LHFPL2: variants seen among roughly 807,000 people sequenced by gnomAD.
The protein encoded by LHFPL2 is LHFPL tetraspan subfamily member 2.
In LHFPL2, 7 loss-of-function variants were observed where a neutral mutation model predicts 17.5. That is an observed-to-expected ratio of 0.40 (90% CI 0.23 to 0.75). LHFPL2 has a LOEUF of 0.75. Ranked by LOEUF, LHFPL2 falls within the 30% of genes least tolerant of loss-of-function variation. The pLI, the probability that LHFPL2 is intolerant of heterozygous loss-of-function variation, is 0.37. For missense variants in LHFPL2, 241 were observed against 294.8 expected (o/e 0.82, Z 1.34); for synonymous variants, 134 against 116.2 (o/e 1.15, Z -0.99).
chr5:78,602,451 CG>C (rs576901879), intron 2 of LHFPL2, among the ~76,000 whole-genome samples: 3 of 152,002 alleles, frequency 2.0e-5, no homozygotes, highest in Non-Finnish European at 4.4e-5. Context: ...TTCTTTCACC[CG>C]AACAAAAAAG....
chr5:78,541,604 T>C (rs1472094736), intron 3 of LHFPL2, among the ~76,000 whole-genome samples: 1 of 152,186 alleles, frequency 6.6e-6, no homozygotes, highest in Non-Finnish European at 1.5e-5. Flanking sequence ...GTCCCTTTCA[T>C]AAACTCTTGC....
chr5:78,579,651 G>C (rs1241634767), intron 2 of LHFPL2, among the ~76,000 whole-genome samples: 2 of 152,074 alleles, frequency 1.3e-5, no homozygotes, highest in African/African-American at 4.8e-5. Context: ...TTTCATCCAT[G>C]TCCCTACAAA....
intron 4 of LHFPL2, among the ~76,000 whole-genome samples, chr5:78,500,038 G>GA (rs35442119): frequency 0.73 from 110,088 of 149,992 alleles, 40,650 homozygotes; most frequent in Middle Eastern, 0.77. Context: ...AAAAAAAAAA[G>GA]GCAGTATAAT....
intron 2 of LHFPL2, among the ~76,000 whole-genome samples, chr5:78,584,374 T>C (rs1306429955): frequency 1.3e-5 from 2 of 152,214 alleles, no homozygotes; most frequent in African/African-American, 2.4e-5. Flanking sequence ...TTTTAGAGTT[T>C]CCAGTTTTTC....
At chr5:78,528,603 AC>A (rs1322670537) in intron 3 of LHFPL2, among the ~76,000 whole-genome samples, 1 of 152,220 alleles carries the variant, frequency 6.6e-6, no homozygotes, top group Non-Finnish European at 1.5e-5. Context: ...ATGTTTGTAC[AC>A]TGGTTATAGA....
intron 1 of LHFPL2, among the ~76,000 whole-genome samples, chr5:78,639,500 C>A (rs1175298660): frequency 6.6e-6 from 1 of 152,074 alleles, no homozygotes; most frequent in Non-Finnish European, 1.5e-5. Context: ...GTAATTAAGT[C>A]GGTAATTATG....
intron 4 of LHFPL2, among the ~76,000 whole-genome samples, chr5:78,489,925 A>G (rs1265350214): frequency 6.6e-6 from 1 of 152,246 alleles, no homozygotes; most frequent in East Asian, 1.9e-4. Flanking sequence ...CTCCTGGTCT[A>G]AGGAAATTCA....
chr5:78,591,985 G>C (rs1743642311), intron 2 of LHFPL2, among the ~76,000 whole-genome samples: 2 of 152,242 alleles, frequency 1.3e-5, no homozygotes. Flanking sequence ...TGGCGCAGGA[G>C]GGCTGGGAAG....
chr5:78,541,687 G>A (rs1400741491), intron 3 of LHFPL2, among the ~76,000 whole-genome samples: 4 of 152,084 alleles, frequency 2.6e-5, no homozygotes, highest in Non-Finnish European at 5.9e-5. Flanking sequence ...CGGTGACTGG[G>A]GATCCAATAA....
intron 2 of LHFPL2, among the ~76,000 whole-genome samples, chr5:78,568,596 A>T (rs1756918703): frequency 1.3e-5 from 2 of 152,220 alleles, no homozygotes; most frequent in South Asian, 4.1e-4. Context: ...AGGAGTGAAA[A>T]TTACCTTGGA....
chr5:78,526,919 G>A (rs1755636887), intron 3 of LHFPL2, among the ~76,000 whole-genome samples: 1 of 152,262 alleles, frequency 6.6e-6, no homozygotes, highest in Admixed American at 6.5e-5. Context: ...CCATAGCCCA[G>A]CTTGGAAAAG....
intron 2 of LHFPL2, among the ~76,000 whole-genome samples, chr5:78,610,997 A>G (rs980782279): frequency 1.8e-4 from 27 of 152,308 alleles, no homozygotes; most frequent in African/African-American, 6.5e-4. Context: ...TGCAGCTCTG[A>G]TTCAGTTAGG....
At chr5:78,620,959 T>C (rs1246921711) in intron 2 of LHFPL2, among the ~76,000 whole-genome samples, 1 of 147,494 alleles carries the variant, frequency 6.8e-6, no homozygotes, top group African/African-American at 2.5e-5. Flanking sequence ...AAATCATCAT[T>C]CTCAAACTCC....
At chr5:78,489,624 C>T (rs7356682) in intron 4 of LHFPL2, among the ~76,000 whole-genome samples, 1 of 152,140 alleles carries the variant, frequency 6.6e-6, no homozygotes, top group Non-Finnish European at 1.5e-5. Flanking sequence ...TCTCAAACTC[C>T]TAAGCTCAAG....
chr5:78,548,625 C>T (rs1212303958), intron 3 of LHFPL2, among the ~76,000 whole-genome samples: 1 of 152,232 alleles, frequency 6.6e-6, no homozygotes, highest in Non-Finnish European at 1.5e-5. Flanking sequence ...ACACTGGTCA[C>T]CCTCACAGGT....
chr5:78,633,825 C>T (rs1041102817), intron 1 of LHFPL2, among the ~76,000 whole-genome samples: 2 of 152,228 alleles, frequency 1.3e-5, no homozygotes, highest in Admixed American at 6.5e-5. Context: ...AAAGGGAACT[C>T]GAGCTTCAAG....
At chr5:78,574,644 AAATTCAAC>A (rs1757083020) in intron 2 of LHFPL2, among the ~76,000 whole-genome samples, 1 of 152,276 alleles carries the variant, frequency 6.6e-6, no homozygotes, top group Admixed American at 6.5e-5. Context: ...GCTGATCAGC[AAATTCAAC>A]AATCAGTGGT....
chr5:78,507,465 T>C (rs1445853148), intron 4 of LHFPL2, among the ~76,000 whole-genome samples: 2 of 152,210 alleles, frequency 1.3e-5, no homozygotes, highest in African/African-American at 4.8e-5. Context: ...CCAAAATATG[T>C]TGGACTAATC....
Position 78,613,187 on chromosome 5 carries a change from T to C in LHFPL2, c.-245+19077A>G, listed in dbSNP as rs1052421486. Among the ~76,000 whole-genome samples, 6 of 152,228 alleles carry C rather than the reference T, an allele frequency of 3.9e-5. No individual in the cohort carries two copies. In the East Asian group the frequency reaches 9.6e-4, roughly 24 times the overall value. On this transcript the variant is annotated intron_variant, in intron 2 of 4. Coordinates refer to ENST00000380345, the MANE Select transcript of LHFPL2 (RefSeq NM_005779.3). ...TTCCCTTATCAGCTTTCTACCTCTG[T>C]TGTGGGCTTGCTTCTCTCAAGACAT...
Sources: gnomAD v4.1 joint callset for allele counts (sites outside exome capture counted in the v4.1 genomes callset) on GRCh38, gnomAD v4.1.1 for gene constraint, MANE v1.5 for transcripts, NCBI Gene and HGNC (gene_info 2026-07-23, HGNC 2026-07-21) for gene names.